Variants in BCAS1 observed in about 807,000 individuals in gnomAD.
BCAS1 encodes the protein brain enriched myelin associated protein 1, also known as breast carcinoma-amplified sequence 1.
A neutral mutation model predicts 65.4 loss-of-function variants in BCAS1; 46 were observed. The ratio of observed to expected loss-of-function variants is 0.70; its 90% CI spans 0.55 to 0.90. The LOEUF is 0.90. BCAS1 is among the 40% of genes least tolerant of loss of function. The pLI is 0.00. For missense variants in BCAS1, 793 were observed against 771.2 expected (o/e 1.03, Z -0.33); for synonymous variants, 298 against 293.5 (o/e 1.02, Z -0.16).
chr20:54,058,802 C>A, intron 1 of BCAS1, 79 bp from the exon 2 acceptor site: 3 of 1,528,338 alleles, frequency 2.0e-6, no homozygotes, highest in Non-Finnish European at 2.7e-6. Context: ...GGTGCAGAGG[C>A]CTGACAAGCC....
chr20:54,066,217 C>T (rs945702538), intron 1 of BCAS1, among the ~76,000 whole-genome samples: 6 of 152,228 alleles, frequency 3.9e-5, no homozygotes, highest in Non-Finnish European at 5.9e-5. Context: ...GGACTACAGG[C>T]GCCTGCCACC....
At position 54,028,765 on chromosome 20, in the gene BCAS1, C is replaced by A; in HGVS notation, c.350G>T (p.Gly117Val). The A allele has an allele frequency of 1.2e-6, 2 of 1,614,190 alleles. No individual in the cohort carries two copies. The highest frequency in any genetic ancestry group is 1.7e-6 in the Non-Finnish European group (2 of 1,180,030). ...GGAGCTGACATCAAGCTTCACTGAT[C>A]CAAGGGATGAATCTGCGGCTTGGTC... ...TGDQAADSSL[G>V]SVKLDVSSNK... The change falls in exon 4 of 13, where the codon GGA (glycine) becomes GTA (valine). Residue 117 changes from glycine (G) to valine (V), a missense_variant. By Grantham distance (109) the Gly-to-Val change is moderately radical. Transcript: ENST00000688948.
chr20:54,009,916 G>A (rs770788500), intron 4 of BCAS1, among the ~76,000 whole-genome samples: 5 of 152,174 alleles, frequency 3.3e-5, no homozygotes, highest in Non-Finnish European at 7.4e-5. Flanking sequence ...TTGCAAGCTT[G>A]ATTAATATTT....
chr20:54,035,826 T>C (rs1448883170), intron 3 of BCAS1, among the ~76,000 whole-genome samples: 2 of 151,254 alleles, frequency 1.3e-5, no homozygotes, highest in Non-Finnish European at 3.0e-5. Flanking sequence ...AATGATAGCC[T>C]GGATAAAGAA....
At chr20:53,945,404 CTTTTT>C (rs10583008) in intron 12 of BCAS1, among the ~76,000 whole-genome samples, 1 of 141,684 alleles carries the variant, frequency 7.1e-6, no homozygotes, top group African/African-American at 2.6e-5. Flanking sequence ...TTATTTTCTT[CTTTTT>C]TTTTTATTAT....
At position 53,977,996 on chromosome 20, in the gene BCAS1, G is replaced by A. The variant is rs538977870; in HGVS notation, c.1276-2566C>T. 9.1e-3 allele frequency among the ~76,000 whole-genome samples: 1,376 copies of A among 150,918 alleles called. 18 individuals are homozygous for A. Among genetic ancestry groups the A allele is most frequent in the African/African-American group, 0.032 (1,322 of 41,158 alleles). ...GCTGGTGCGCTGCACCCACTAACTCGTCATCTAGCATTAGGTATATCTCCC... is the reference window on the plus strand; with the variant it reads ...GCTGGTGCGCTGCACCCACTAACTCATCATCTAGCATTAGGTATATCTCCC... On this transcript the variant is annotated intron_variant, in intron 8 of 12. Coordinates refer to ENST00000688948, the MANE Select transcript of BCAS1 (RefSeq NM_001366298.2).
At chr20:54,011,907 C>T (rs1216945172) in intron 4 of BCAS1, among the ~76,000 whole-genome samples, 1 of 152,144 alleles carries the variant, frequency 6.6e-6, no homozygotes, top group East Asian at 1.9e-4. Flanking sequence ...AGTGATTGCA[C>T]TCCTGGTCAT....
At chr20:54,041,909 C>CAAAAAAAA (rs796435949) in intron 3 of BCAS1, among the ~76,000 whole-genome samples, 1 of 79,762 alleles carries the variant, frequency 1.3e-5, no homozygotes, top group African/African-American at 5.4e-5. Flanking sequence ...CTGTCTCCCC[C>CAAAAAAAA]AAAAAAAAAA....
At position 54,028,716 on chromosome 20, in the gene BCAS1, G is replaced by A; in HGVS notation, c.399C>T (p.Asp133=). 1 of 1,614,210 alleles carries A rather than the reference G, an allele frequency of 6.2e-7. No individual in the cohort carries two copies. Among genetic ancestry groups the A allele is most frequent in the Non-Finnish European group, 8.5e-7 (1 of 1,180,036 alleles). Residue 133 remains aspartate, a synonymous_variant, in exon 4 of 13, where the codon GAC becomes GAT. Transcript: ENST00000688948. ...CCGGAAGTGTCCAGCTCTCACTTGGGTCTTTGTTCGCTGGAGCTTTATTGG... is the reference window on the plus strand; with the variant it reads ...CCGGAAGTGTCCAGCTCTCACTTGGATCTTTGTTCGCTGGAGCTTTATTGG... ...VSSNKAPANK[D]PSESWTLPVA...
At chr20:53,970,088 CT>C (rs3831646) in intron 9 of BCAS1, among the ~76,000 whole-genome samples, 5,498 of 151,478 alleles carry the variant, frequency 0.036, 363 homozygotes, top group East Asian at 0.32. Flanking sequence ...GCAGTGAGTT[CT>C]TTCTTCGTGT....
intron 10 of BCAS1, among the ~76,000 whole-genome samples, chr20:53,964,913 T>G (rs1055433915): frequency 6.6e-6 from 1 of 152,074 alleles, no homozygotes; most frequent in Non-Finnish European, 1.5e-5. Flanking sequence ...CTGTTTTTTT[T>G]TTCTGTACCT....
intron 4 of BCAS1, among the ~76,000 whole-genome samples, chr20:54,015,801 G>C (rs1031115787): frequency 6.6e-6 from 1 of 152,162 alleles, no homozygotes; most frequent in Non-Finnish European, 1.5e-5. Flanking sequence ...CACAGCTCAG[G>C]AATCCTCAGC....
chr20:54,062,469 C>G (rs1049332358), intron 1 of BCAS1, among the ~76,000 whole-genome samples: 1 of 152,124 alleles, frequency 6.6e-6, no homozygotes, highest in Admixed American at 6.5e-5. Context: ...TATACACATG[C>G]AAGAATATAT....
intron 3 of BCAS1, among the ~76,000 whole-genome samples, chr20:54,042,408 A>G (rs749330213): frequency 5.9e-5 from 9 of 152,230 alleles, no homozygotes; most frequent in Non-Finnish European, 1.2e-4. Flanking sequence ...TTAAAAAAAT[A>G]AATAATCATA....
intron 1 of BCAS1, among the ~76,000 whole-genome samples, chr20:54,059,454 A>G (rs1233471710): frequency 6.6e-6 from 1 of 151,830 alleles, no homozygotes; most frequent in Non-Finnish European, 1.5e-5. Context: ...TTCTCAAACT[A>G]AATTAATTCC....
chr20:53,959,225 G>A (rs2089797421), intron 10 of BCAS1, among the ~76,000 whole-genome samples: 1 of 151,820 alleles, frequency 6.6e-6, no homozygotes, highest in Non-Finnish European at 1.5e-5. Flanking sequence ...CAGATAGATA[G>A]GACTACAGGT....
intron 3 of BCAS1, among the ~76,000 whole-genome samples, chr20:54,055,260 A>C (rs1445962891): frequency 6.6e-6 from 1 of 152,212 alleles, no homozygotes; most frequent in South Asian, 2.1e-4. Context: ...TAAAAAATAA[A>C]ACTACTATAT....
At chr20:54,062,683 T>C (rs1255829185) in intron 1 of BCAS1, among the ~76,000 whole-genome samples, 2 of 152,242 alleles carry the variant, frequency 1.3e-5, no homozygotes, top group Admixed American at 6.5e-5. Flanking sequence ...AGAAGATTTT[T>C]CTTCCCACAG....
At chr20:53,998,338 G>C (rs868137229) in intron 4 of BCAS1, among the ~76,000 whole-genome samples, 3 of 152,200 alleles carry the variant, frequency 2.0e-5, no homozygotes, top group African/African-American at 7.2e-5. Flanking sequence ...AAAGAAAAGA[G>C]GTTTCATTGG....
Sources: gnomAD v4.1 joint callset for allele counts (sites outside exome capture counted in the v4.1 genomes callset) on GRCh38, gnomAD v4.1.1 for gene constraint, MANE v1.5 for transcripts, NCBI Gene and HGNC (gene_info 2026-07-23, HGNC 2026-07-21) for gene names.